SERINC5: variants seen among roughly 807,000 people sequenced by gnomAD.
The protein encoded by SERINC5 is serine incorporator 5, also known as chromosome 5 open reading frame 12.
SERINC5 carries 41 observed loss-of-function variants against 63.1 expected under a neutral mutation model. The observed-to-expected ratio is 0.65, with a 90% CI of 0.51 to 0.84. The LOEUF (loss-of-function observed/expected upper bound fraction) is 0.84. SERINC5 is among the 40% of genes least tolerant of loss of function. The pLI is 0.00. For synonymous variants in SERINC5, 222 were observed against 215.2 expected, an observed-to-expected ratio of 1.03 and a Z score of -0.28; for missense variants, 523 against 573.0, an observed-to-expected ratio of 0.91 and a Z score of 0.89.
At chr5:80,145,961 G>T in intron 11 of SERINC5, 129 bp downstream of exon 11, 4 of 926,606 alleles carry the variant, frequency 4.3e-6, no homozygotes, top group Non-Finnish European at 6.6e-6. Flanking sequence ...AGTGAGCCAG[G>T]ATCGTGCCAC....
intron 1 of SERINC5, among the ~76,000 whole-genome samples, chr5:80,245,024 T>A (rs1752109858): frequency 6.6e-6 from 1 of 152,126 alleles, no homozygotes; most frequent in South Asian, 2.1e-4. Context: ...CAAGTTGTCG[T>A]CTGACCAGGC....
intron 1 of SERINC5, among the ~76,000 whole-genome samples, chr5:80,230,795 TTC>T (rs72030629): frequency 0.18 from 21,392 of 119,268 alleles, 1,761 homozygotes; most frequent in African/African-American, 0.28. Context: ...CTTTCTTTCT[TTC>T]TCTCTCTCTC....
rs185456710 is a variant in SERINC5 at position 80,117,486 on chromosome 5, C to T, written c.1239-3861G>A. Among the ~76,000 whole-genome samples, 36 of 152,126 alleles carry T rather than the reference C, an allele frequency of 2.4e-4. 1 individual carries two copies. Among genetic ancestry groups the T allele is most frequent in the African/African-American group, 8.2e-4 (34 of 41,416 alleles). ...AAGGACACATACTAACTGATAATCACACAGAGCCACTGACTGGATTTGGTA... is the reference window on the plus strand; with the variant it reads ...AAGGACACATACTAACTGATAATCATACAGAGCCACTGACTGGATTTGGTA... On this transcript the variant is annotated intron_variant, in intron 11 of 12. Transcript: ENST00000509193.
At chr5:80,175,335 C>G (rs533042485) in intron 4 of SERINC5, among the ~76,000 whole-genome samples, 7 of 152,294 alleles carry the variant, frequency 4.6e-5, no homozygotes, top group African/African-American at 1.7e-4. Context: ...CTACATCTGC[C>G]AGGTACCCTA....
Position 80,140,386 on chromosome 5 carries a change from T to C in SERINC5, c.*3277A>G, listed in dbSNP as rs1487195076. The C allele has an allele frequency of 1.0e-6, 1 of 982,148 alleles. No individual in the cohort carries two copies. Among genetic ancestry groups the C allele is most frequent in the Non-Finnish European group, 1.2e-6 (1 of 829,338 alleles). The allele number at this position is 982,148 out of a possible 1,614,324, so 60.8% of individuals were successfully genotyped here. On this transcript the variant is annotated 3_prime_UTR_variant, in exon 12 of 12. Coordinates refer to ENST00000507668, the MANE Select transcript of SERINC5 (RefSeq NM_001174072.3). ...ACAGGAAATTAACATTACACTGAGG[T>C]TATTCATAATAAAGGATCTTCTGAG...
intron 1 of SERINC5, among the ~76,000 whole-genome samples, chr5:80,243,180 C>T (rs1377373967): frequency 6.6e-6 from 1 of 152,148 alleles, no homozygotes. Flanking sequence ...ATTCTTGCTC[C>T]TTTAGTTCTA....
chr5:80,158,924 G>C lies in SERINC5; in HGVS notation c.898C>G (p.Pro300Ala). 1 of 1,613,584 alleles carries C rather than the reference G, an allele frequency of 6.2e-7. No individual in the cohort carries two copies. Among genetic ancestry groups the C allele is most frequent in the Non-Finnish European group, 8.5e-7 (1 of 1,179,692 alleles). The change falls in exon 8 of 12, where the codon CCT (proline) becomes GCT (alanine). Residue 300 changes from proline (P) to alanine (A), a missense_variant. Pro to Ala is a conservative substitution (Grantham distance 27). Coordinates refer to ENST00000507668, the MANE Select transcript of SERINC5 (RefSeq NM_001174072.3). The part of the protein sequence containing the change: ...EHGKNVTICV[P>A]DFGQDLYRDE... ...CTGTACAGGTCTTGACCAAAGTCAG[G>C]CACACAGATTGTAACATTTTTCCCA...
At chr5:80,149,609 A>G (rs1288263203) in intron 9 of SERINC5, among the ~76,000 whole-genome samples, 1 of 152,244 alleles carries the variant, frequency 6.6e-6, no homozygotes, top group Non-Finnish European at 1.5e-5. Flanking sequence ...AGCAGTGGTC[A>G]AGAACACAGA....
chr5:80,194,468 G>A (rs1749382420), intron 2 of SERINC5, among the ~76,000 whole-genome samples: 1 of 152,206 alleles, frequency 6.6e-6, no homozygotes, highest in African/African-American at 2.4e-5. Context: ...TTTCACTGAT[G>A]ATGTTTGTTT....
At chr5:80,127,220 G>A (rs1580024679) in intron 11 of SERINC5, among the ~76,000 whole-genome samples, 1 of 152,174 alleles carries the variant, frequency 6.6e-6, no homozygotes, top group Admixed American at 6.6e-5. Context: ...CTTCTTGTGG[G>A]AGGATTACAT....
chr5:80,164,232 T>C (rs997043734), intron 7 of SERINC5, among the ~76,000 whole-genome samples: 13 of 152,218 alleles, frequency 8.5e-5, no homozygotes, highest in African/African-American at 2.6e-4. Flanking sequence ...GATTTGGTCT[T>C]CTCTCTTCTT....
chr5:80,246,745 G>T (rs1039187118), intron 1 of SERINC5, among the ~76,000 whole-genome samples: 3 of 152,176 alleles, frequency 2.0e-5, no homozygotes, highest in Non-Finnish European at 2.9e-5. Context: ...ATTTCCTACT[G>T]CCCTATACTG....
At chr5:80,135,939 C>T (rs978848509), downstream of SERINC5, among the ~76,000 whole-genome samples, 1 of 151,598 alleles carries the variant, frequency 6.6e-6, no homozygotes, top group Non-Finnish European at 1.5e-5. Flanking sequence ...ATGACGGTTG[C>T]CACAGGAGAG....
At chr5:80,159,358 G>C (rs368023483) in intron 7 of SERINC5, among the ~76,000 whole-genome samples, 4 of 152,044 alleles carry the variant, frequency 2.6e-5, no homozygotes, top group African/African-American at 9.7e-5. Flanking sequence ...TCCTAAACTA[G>C]TTGAGAAGTC....
At chr5:80,136,579 A>G (rs1427608929), downstream of SERINC5, among the ~76,000 whole-genome samples, 1 of 152,222 alleles carries the variant, frequency 6.6e-6, no homozygotes, top group African/African-American at 2.4e-5. Context: ...ACCCGAAACT[A>G]AAGCTAGGCA....
rs1373077029 is a variant in SERINC5 at position 80,142,633 on chromosome 5, T to C, written c.*1030A>G. On this transcript the variant is annotated 3_prime_UTR_variant, in exon 12 of 12. Transcript: ENST00000507668. ...GCCAGCATGAACCTGAACGGTATGG[T>C]CACGTTACAGATCCAGAACACAAAA... The C allele has an allele frequency of 1.0e-6, 1 of 985,394 alleles. No individual in the cohort carries two copies. The highest frequency in any genetic ancestry group is 1.2e-6 in the Non-Finnish European group (1 of 829,932). The allele number at this position is 985,394 out of a possible 1,614,324, so 61.0% of individuals were successfully genotyped here.
rs752597060 is a variant in SERINC5 at position 80,148,184 on chromosome 5, TTATTC to T, written c.1054-905_1054-901del. On this transcript the variant is annotated intron_variant, in intron 9 of 11. Coordinates refer to ENST00000507668, the MANE Select transcript of SERINC5 (RefSeq NM_001174072.3). ...GCATCTCTGGTACCTTGCGTATTTT[TTATTC>T]TTTTTTTTTTTTTTTTTTGAGATGG... is the stretch of plus-strand genomic sequence containing the variant. 6.9e-3 allele frequency among the ~76,000 whole-genome samples: 851 copies of T among 123,690 alleles called. 14 individuals carry two copies. Among genetic ancestry groups the T allele is most frequent in the African/African-American group, 0.025 (787 of 31,760 alleles). The allele number at this position is 123,690 out of a possible 152,430, so 81.1% of individuals were successfully genotyped here.
At chr5:80,249,913 C>T (rs1053798392) in intron 1 of SERINC5, among the ~76,000 whole-genome samples, 2 of 152,128 alleles carry the variant, frequency 1.3e-5, no homozygotes, top group Non-Finnish European at 2.9e-5. Context: ...CTCTGTTTCA[C>T]AAATACTTCC....
intron 11 of SERINC5, 59 bp from the exon 12 acceptor site, chr5:80,143,869 C>G: frequency 6.6e-7 from 1 of 1,515,108 alleles, no homozygotes. Context: ...ATACAATTCA[C>G]TAATTCACAT....
Sources: gnomAD v4.1 joint callset for allele counts (sites outside exome capture counted in the v4.1 genomes callset) on GRCh38, gnomAD v4.1.1 for gene constraint, MANE v1.5 for transcripts, NCBI Gene and HGNC (gene_info 2026-07-23, HGNC 2026-07-21) for gene names.